The following PPP3CA variants were observed in gnomAD, a reference collection of about 807,000 sequenced individuals.
PPP3CA encodes the protein protein phosphatase 3 catalytic subunit alpha.
PPP3CA carries 14 observed loss-of-function variants against 66.5 expected under a neutral mutation model. That is an observed-to-expected ratio of 0.21 (90% confidence interval 0.14 to 0.33). The LOEUF (loss-of-function observed/expected upper bound fraction) is 0.33. Ranked by LOEUF, PPP3CA falls within the 10% of genes least tolerant of loss-of-function variation. The pLI is 1.00. For missense variants in PPP3CA, 317 were observed against 639.5 expected (o/e 0.50, Z 5.44); for synonymous variants, 232 against 226.2 (o/e 1.03, Z -0.23).
intron 2 of PPP3CA, among the ~76,000 whole-genome samples, chr4:101,124,767 GAAAGAA>G (rs1722184598): frequency 7.7e-6 from 1 of 129,234 alleles, no homozygotes; most frequent in Non-Finnish European, 1.6e-5. Context: ...AAGAAAGAAA[GAAAGAA>G]AGAAAGAAAG....
At chr4:101,256,969 G>A (rs1178057634) in intron 1 of PPP3CA, among the ~76,000 whole-genome samples, 1 of 152,000 alleles carries the variant, frequency 6.6e-6, no homozygotes, top group Non-Finnish European at 1.5e-5. Context: ...AACTGAGGCT[G>A]TGAAAGATTA....
intron 1 of PPP3CA, among the ~76,000 whole-genome samples, chr4:101,208,353 A>G (rs1301330336): frequency 6.6e-6 from 1 of 152,136 alleles, no homozygotes; most frequent in African/African-American, 2.4e-5. Flanking sequence ...TTTGGTTCCC[A>G]TTGTTCTCAA....
chr4:101,069,634 T>A (rs1378960106), intron 8 of PPP3CA, among the ~76,000 whole-genome samples: 1 of 152,224 alleles, frequency 6.6e-6, no homozygotes, highest in Non-Finnish European at 1.5e-5. Flanking sequence ...AGTTTTGAAC[T>A]GCATGGGTCC....
At chr4:101,127,184 C>T (rs188873331) in intron 2 of PPP3CA, among the ~76,000 whole-genome samples, 27 of 152,008 alleles carry the variant, frequency 1.8e-4, no homozygotes, top group Non-Finnish European at 3.5e-4. Flanking sequence ...TTCCACCTCA[C>T]CCCCAACTCC....
At chr4:101,116,281 A>C (rs1721836220) in intron 2 of PPP3CA, among the ~76,000 whole-genome samples, 1 of 151,866 alleles carries the variant, frequency 6.6e-6, no homozygotes, top group Admixed American at 6.6e-5. Context: ...CCTTTACTTC[A>C]ACCCAGTGTT....
intron 1 of PPP3CA, among the ~76,000 whole-genome samples, chr4:101,211,681 T>C (rs1725303906): frequency 6.6e-6 from 1 of 152,156 alleles, no homozygotes; most frequent in Non-Finnish European, 1.5e-5. Flanking sequence ...GAGCTTGGGT[T>C]CTACACAAAA....
At chr4:101,255,035 C>CAAAAAAAA (rs1163406764) in intron 1 of PPP3CA, among the ~76,000 whole-genome samples, 1 of 44,704 alleles carries the variant, frequency 2.2e-5, no homozygotes, top group African/African-American at 7.8e-5. Context: ...AGTCCCGTCT[C>CAAAAAAAA]AAAAAAAAAA....
At chr4:101,095,792 C>T (rs530480068) in intron 5 of PPP3CA, among the ~76,000 whole-genome samples, 63 of 152,242 alleles carry the variant, frequency 4.1e-4, no homozygotes, top group African/African-American at 1.5e-3. Flanking sequence ...GCTGGGATTA[C>T]AGGCGCGCGC....
At chr4:101,037,004 G>C (rs914956934) in intron 11 of PPP3CA, among the ~76,000 whole-genome samples, 1 of 131,162 alleles carries the variant, frequency 7.6e-6, no homozygotes, top group African/African-American at 2.5e-5. Context: ...AATTTTAACA[G>C]GAAAGAGATA....
At chr4:101,118,028 T>C (rs1171054465) in intron 2 of PPP3CA, among the ~76,000 whole-genome samples, 3 of 152,066 alleles carry the variant, frequency 2.0e-5, no homozygotes, top group Non-Finnish European at 2.9e-5. Context: ...TCTAGGACCC[T>C]GAAAGATGGA....
At chr4:101,105,805 TA>T (rs1234815201) in intron 3 of PPP3CA, among the ~76,000 whole-genome samples, 1 of 151,412 alleles carries the variant, frequency 6.6e-6, no homozygotes, top group Non-Finnish European at 1.5e-5. Context: ...AATGTTATAA[TA>T]AAAAAAAATT....
At chr4:101,216,261 C>T (rs1725450210) in intron 1 of PPP3CA, among the ~76,000 whole-genome samples, 1 of 152,110 alleles carries the variant, frequency 6.6e-6, no homozygotes, top group South Asian at 2.1e-4. Flanking sequence ...ACATGGTCCT[C>T]AAATAAACTT....
chr4:101,081,753 T>C (rs1729448903), intron 7 of PPP3CA, among the ~76,000 whole-genome samples: 1 of 152,198 alleles, frequency 6.6e-6, no homozygotes, highest in Non-Finnish European at 1.5e-5. Context: ...TTTTGGAACT[T>C]GGTCATACTA....
rs34893689 is a variant in PPP3CA, at chr4:101,285,597, GTA to G, written c.58+61140_58+61141del. Reference sequence around the variant, plus strand: ...CCTTCCCTTTCAAATGCCACTGTGTGTATGTGTGTGTGTGTGTGTGTGTGTGT... The same window carrying G: ...CCTTCCCTTTCAAATGCCACTGTGTGTGTGTGTGTGTGTGTGTGTGTGTGT... On this transcript the variant is annotated intron_variant, in intron 1 of 13. Coordinates refer to ENST00000394854, the MANE Select transcript of PPP3CA (RefSeq NM_000944.5). Among the ~76,000 whole-genome samples the G allele has an allele frequency of 6.4e-3, 625 of 96,908 alleles. 6 individuals carry two copies. Among genetic ancestry groups the G allele is most frequent in the African/African-American group, 0.023 (477 of 20,326 alleles). The allele number at this position is 96,908 out of a possible 152,430, so 63.6% of individuals were successfully genotyped here.
intron 2 of PPP3CA, among the ~76,000 whole-genome samples, chr4:101,128,770 C>A (rs1317854810): frequency 2.0e-5 from 3 of 152,134 alleles, no homozygotes; most frequent in Non-Finnish European, 2.9e-5. Flanking sequence ...GAGATTCCCT[C>A]GGGTGGCTAC....
At chr4:101,091,485 CCTCT>C (rs568596277) in intron 6 of PPP3CA, among the ~76,000 whole-genome samples, 45 of 151,984 alleles carry the variant, frequency 3.0e-4, no homozygotes, top group Admixed American at 2.9e-3. Context: ...TTAGAACAAA[CCTCT>C]CTGTTAATAT....
At chr4:101,041,834 C>T (rs1373624363) in intron 10 of PPP3CA, among the ~76,000 whole-genome samples, 1 of 152,158 alleles carries the variant, frequency 6.6e-6, no homozygotes, top group Non-Finnish European at 1.5e-5. Context: ...TCTAATTCTA[C>T]TGCCTCTAAT....
chr4:101,070,679 G>C (rs1728878504), intron 8 of PPP3CA, among the ~76,000 whole-genome samples: 1 of 152,200 alleles, frequency 6.6e-6, no homozygotes, highest in Non-Finnish European at 1.5e-5. Flanking sequence ...TTGTCCCTGA[G>C]AAATGTATTA....
At chr4:101,265,919 T>C (rs1028059151) in intron 1 of PPP3CA, among the ~76,000 whole-genome samples, 1 of 152,056 alleles carries the variant, frequency 6.6e-6, no homozygotes, top group Non-Finnish European at 1.5e-5. Context: ...TCACATGCTC[T>C]ACCTAGAAAA....
Sources: gnomAD v4.1 joint callset for allele counts (sites outside exome capture counted in the v4.1 genomes callset) on GRCh38, gnomAD v4.1.1 for gene constraint, MANE v1.5 for transcripts, NCBI Gene and HGNC (gene_info 2026-07-23, HGNC 2026-07-21) for gene names.